The following GNAL variants were observed in gnomAD, a reference collection of about 807,000 sequenced individuals.
The protein encoded by GNAL is guanine nucleotide-binding protein G(olf) subunit alpha.
Under a neutral mutation model 55.1 loss-of-function variants are expected in GNAL, and 18 were observed. The observed-to-expected ratio is 0.33, with a 90% CI of 0.23 to 0.48. The LOEUF (loss-of-function observed/expected upper bound fraction) is 0.48. Among genes scored for constraint, GNAL ranks in the 20% least tolerant of loss-of-function variants. The pLI, the probability that GNAL is intolerant of heterozygous loss-of-function variation, is 0.99. For synonymous variants in GNAL, 253 were observed against 237.0 expected (o/e 1.07, Z -0.62); for missense variants, 412 against 614.1 (o/e 0.67, Z 3.48).
intron 1 of GNAL, among the ~76,000 whole-genome samples, chr18:11,741,539 TATTAA>T (rs1416159356): frequency 6.6e-6 from 1 of 152,222 alleles, no homozygotes; most frequent in Admixed American, 6.5e-5. Context: ...TCAACTAGAC[TATTAA>T]ATTAATGAGA....
intron 1 of GNAL, among the ~76,000 whole-genome samples, chr18:11,703,333 GA>G (rs1357573760): frequency 6.6e-6 from 1 of 152,178 alleles, no homozygotes; most frequent in Non-Finnish European, 1.5e-5. Flanking sequence ...AATCCATTTA[GA>G]ATATGCTCTA....
At position 11,872,360 on chromosome 18, in the gene GNAL, A is replaced by T; in HGVS notation, c.1124A>T (p.Tyr375Phe). 6.4e-7 allele frequency: 1 copy of T among 1,564,904 alleles called. No individual in the cohort carries two copies. The highest frequency in any genetic ancestry group is 2.3e-5 in the East Asian group (1 of 43,430). Residue 375 changes from tyrosine (Y) to phenylalanine (F), a missense_variant, in exon 10 of 12, where the codon TAT becomes TTT. Transcript: ENST00000334049. ...VLAGKSKIED[Y>F]FPEYANYTVP... Reference sequence around the variant, plus strand: ...GCAGGGAAATCAAAAATTGAAGACTATTTCCCAGAATATGCAAATTATACT... The same window carrying T: ...GCAGGGAAATCAAAAATTGAAGACTTTTTCCCAGAATATGCAAATTATACT...
intron 4 of GNAL, among the ~76,000 whole-genome samples, chr18:11,785,777 C>G (rs1232391177): frequency 1.3e-5 from 2 of 152,262 alleles, no homozygotes; most frequent in African/African-American, 4.8e-5. Flanking sequence ...CTCCTGCGAA[C>G]GTCAGCGATG....
chr18:11,829,491 A>G (rs544495631), intron 5 of GNAL, among the ~76,000 whole-genome samples: 1 of 152,216 alleles, frequency 6.6e-6, no homozygotes, highest in Non-Finnish European at 1.5e-5. Context: ...AGATGTTAGA[A>G]AAAATAAAAG....
intron 1 of GNAL, among the ~76,000 whole-genome samples, chr18:11,709,517 C>T (rs1434553697): frequency 6.6e-6 from 1 of 151,846 alleles, no homozygotes; most frequent in Non-Finnish European, 1.5e-5. Flanking sequence ...GTATAAAGGT[C>T]TTTCTCCTCC....
intron 3 of GNAL, 67 bp from the exon 4 acceptor site, chr18:11,753,759 C>T: frequency 2.0e-6 from 3 of 1,478,234 alleles, no homozygotes; most frequent in Admixed American, 1.7e-5. Context: ...ACAGAAATTA[C>T]ATATTGTAGA....
At chr18:11,814,997 C>T (rs2034918523) in intron 4 of GNAL, among the ~76,000 whole-genome samples, 1 of 151,796 alleles carries the variant, frequency 6.6e-6, no homozygotes, top group African/African-American at 2.4e-5. Context: ...TTGGAAGAAG[C>T]TGATCAATGG....
In GNAL at chr18:11,753,947, T is replaced by C; in HGVS notation, c.624+2T>C. ...ATCACTGACTTTGAATATTCCCAGG[T>C]AAGAAATGCTTACTGAAATATTCTA... On this transcript the variant is annotated splice_donor_variant, in intron 4 of 11. Transcript: ENST00000334049. LOFTEE classifies it high-confidence loss of function. The C allele has an allele frequency of 1.2e-6, 2 of 1,600,224 alleles. No individual in the cohort carries two copies. The highest frequency in any genetic ancestry group is 1.7e-6 in the Non-Finnish European group (2 of 1,169,028).
rs372747648 is a variant in GNAL at position 11,750,429 on chromosome 18, G to A, written c.377-2424G>A. On this transcript the variant is annotated intron_variant, in intron 1 of 11. Transcript: ENST00000334049. Reference sequence around the variant, plus strand: ...AGAGCTGAGTGGGCAGAGTATGGAGGATGCAGTCAGCCCGTCAGGAACGTG... The same window carrying A: ...AGAGCTGAGTGGGCAGAGTATGGAGAATGCAGTCAGCCCGTCAGGAACGTG... Among the ~76,000 whole-genome samples, 8 of 152,186 alleles carry A rather than the reference G, an allele frequency of 5.3e-5. No individual in the cohort carries two copies. The East Asian group carries it at 1.5e-3, about 29-fold the overall frequency.
chr18:11,739,521 T>C (rs2143472703), intron 1 of GNAL, among the ~76,000 whole-genome samples: 1 of 152,216 alleles, frequency 6.6e-6, no homozygotes, highest in South Asian at 2.1e-4. Context: ...TGCACAGCAG[T>C]TTCATCGGTC....
At chr18:11,713,963 T>C (rs1364016072) in intron 1 of GNAL, among the ~76,000 whole-genome samples, 1 of 152,234 alleles carries the variant, frequency 6.6e-6, no homozygotes, top group East Asian at 1.9e-4. Flanking sequence ...ACACCTTCTC[T>C]GTCCTTGACA....
chr18:11,701,053 G>A (rs1341398120), intron 1 of GNAL, among the ~76,000 whole-genome samples: 3 of 152,200 alleles, frequency 2.0e-5, no homozygotes, highest in African/African-American at 7.2e-5. Flanking sequence ...CACAGCCTCA[G>A]CCCTGGAAAA....
chr18:11,884,719 A>G lies in GNAL; in HGVS notation c.*3584A>G. The G allele has an allele frequency of 7.1e-7, 1 of 1,415,164 alleles. No individual in the cohort carries two copies. Among genetic ancestry groups the G allele is most frequent in the Non-Finnish European group, 9.7e-7 (1 of 1,029,526 alleles). The allele number at this position is 1,415,164 out of a possible 1,614,324, so 87.7% of individuals were successfully genotyped here. On this transcript the variant is annotated 3_prime_UTR_variant, in exon 12 of 12. Coordinates refer to ENST00000334049, the MANE Select transcript of GNAL (RefSeq NM_182978.4). ...ACAGCAGAGGGAAGACTGCCTTCTC[A>G]GGTCCCCCTCAGGTGAGGCAGGGAA...
intron 4 of GNAL, among the ~76,000 whole-genome samples, chr18:11,757,855 A>T (rs1047521686): frequency 6.6e-6 from 1 of 152,028 alleles, no homozygotes; most frequent in African/African-American, 2.4e-5. Flanking sequence ...TAAGGTTAAA[A>T]TGGCTTTGGC....
At chr18:11,717,517 A>T (rs1038281740) in intron 1 of GNAL, among the ~76,000 whole-genome samples, 22 of 152,380 alleles carry the variant, frequency 1.4e-4, no homozygotes, top group African/African-American at 5.0e-4. Context: ...CACTGTTCAA[A>T]ATAGCAAAGA....
At chr18:11,790,257 C>T (rs959592979) in intron 4 of GNAL, among the ~76,000 whole-genome samples, 1 of 152,080 alleles carries the variant, frequency 6.6e-6, no homozygotes, top group Non-Finnish European at 1.5e-5. Flanking sequence ...TCTCTGCACA[C>T]CATTGTTGGG....
chr18:11,832,982 G>A (rs2035420079), intron 5 of GNAL, among the ~76,000 whole-genome samples: 1 of 151,888 alleles, frequency 6.6e-6, no homozygotes, highest in Non-Finnish European at 1.5e-5. Context: ...CCACCTAGAT[G>A]CATGTACATA....
At chr18:11,694,829 C>T (rs1180747354) in intron 1 of GNAL, among the ~76,000 whole-genome samples, 1 of 152,178 alleles carries the variant, frequency 6.6e-6, no homozygotes, top group Admixed American at 6.5e-5. Flanking sequence ...AAGGTGCCAG[C>T]AGGGTTGGTT....
intron 4 of GNAL, among the ~76,000 whole-genome samples, chr18:11,795,666 C>T (rs575687279): frequency 6.6e-6 from 1 of 152,244 alleles, no homozygotes; most frequent in South Asian, 2.1e-4. Context: ...AGATACTGAG[C>T]ATGATTCTGT....
Sources: gnomAD v4.1 joint callset for allele counts (sites outside exome capture counted in the v4.1 genomes callset) on GRCh38, gnomAD v4.1.1 for gene constraint, MANE v1.5 for transcripts, NCBI Gene and HGNC (gene_info 2026-07-23, HGNC 2026-07-21) for gene names.